Variants in KAZN observed in about 807,000 individuals in gnomAD.
The protein encoded by KAZN is kazrin, periplakin interacting protein.
Under a neutral mutation model 87.4 loss-of-function variants are expected in KAZN, and 40 were observed. The ratio of observed to expected loss-of-function variants is 0.46; its 90% CI spans 0.36 to 0.60. The LOEUF is 0.60. KAZN is among the 20% of genes least tolerant of loss of function. The pLI, the probability that KAZN is intolerant of heterozygous loss-of-function variation, is 0.00. For missense variants in KAZN, 898 were observed against 1,073.9 expected, an observed-to-expected ratio of 0.84 and a Z score of 2.29; for synonymous variants, 466 against 458.3, an observed-to-expected ratio of 1.02 and a Z score of -0.22.
chr1:14,684,068 A>G (rs1188638217), intron 1 of KAZN, among the ~76,000 whole-genome samples: 1 of 152,148 alleles, frequency 6.6e-6, no homozygotes, highest in Non-Finnish European at 1.5e-5. Context: ...TGGGCTGTCT[A>G]CGCAGAGTTT....
intron 2 of KAZN, among the ~76,000 whole-genome samples, chr1:15,010,800 G>T (rs1441330042): frequency 6.6e-6 from 1 of 152,160 alleles, no homozygotes; most frequent in Non-Finnish European, 1.5e-5. Flanking sequence ...TTTTCATGGA[G>T]TAGCTAGAAC....
intron 2 of KAZN, among the ~76,000 whole-genome samples, chr1:14,270,112 G>T (rs1228637656): frequency 6.6e-6 from 1 of 152,140 alleles, no homozygotes; most frequent in African/African-American, 2.4e-5. Flanking sequence ...CACACTGGGG[G>T]TCAGATTTCA....
intron 1 of KAZN, among the ~76,000 whole-genome samples, chr1:14,861,843 C>G (rs1650888329): frequency 6.6e-6 from 1 of 152,206 alleles, no homozygotes; most frequent in South Asian, 2.1e-4. Context: ...CTAGCAGCCA[C>G]TTTGCGACCA....
At chr1:13,979,435 CA>C (rs1294227930) in intron 1 of KAZN, among the ~76,000 whole-genome samples, 4 of 151,970 alleles carry the variant, frequency 2.6e-5, no homozygotes, top group South Asian at 2.1e-4. Context: ...CTTCATCCTG[CA>C]AAAAATACTT....
chr1:14,507,876 A>C (rs1234737070), intron 2 of KAZN, among the ~76,000 whole-genome samples: 2 of 151,970 alleles, frequency 1.3e-5, no homozygotes, highest in African/African-American at 4.8e-5. Flanking sequence ...CTGAGGTAGG[A>C]GAATGGTGTG....
At chr1:14,843,595 G>T (rs1341800392) in intron 1 of KAZN, among the ~76,000 whole-genome samples, 1 of 152,228 alleles carries the variant, frequency 6.6e-6, no homozygotes, top group Non-Finnish European at 1.5e-5. Context: ...ACAGAAACTT[G>T]CATGGGCAAA....
Position 14,735,059 on chromosome 1 carries a change from G to GTT in KAZN, c.226+135843_226+135844dup, listed in dbSNP as rs148802306. 2.1e-5 allele frequency among the ~76,000 whole-genome samples: 3 copies of GTT among 142,896 alleles called. No individual in the cohort carries two copies. Among genetic ancestry groups the GTT allele is most frequent in the African/African-American group, 9.1e-5 (3 of 32,910 alleles). The allele number at this position is 142,896 out of a possible 152,430, so 93.7% of individuals were successfully genotyped here. A position where few individuals can be genotyped will look rare whatever the true frequency, so the allele number is the denominator to read the frequency against. ...CACAGGATGCTAAATGGTCATGCTG[G>GTT]TTTTTTTTGTTTTGTTTTGAGACGG... On this transcript the variant is annotated intron_variant, in intron 1 of 14. Coordinates refer to ENST00000376030, the MANE Select transcript of KAZN (RefSeq NM_201628.3). This position sits in a 1 kb window ranked among gnomAD's most constrained non-coding sequence, Gnocchi z 4.3.
chr1:14,565,916 T>C (rs920138348), intron 2 of KAZN, among the ~76,000 whole-genome samples: 2 of 152,190 alleles, frequency 1.3e-5, no homozygotes, highest in African/African-American at 2.4e-5. Context: ...ACTGACATCT[T>C]AAATTCTTCA....
chr1:14,221,886 GT>G (rs1557572129), intron 2 of KAZN: 1 of 152,124 alleles, frequency 6.6e-6, no homozygotes, highest in East Asian at 1.9e-4. Flanking sequence ...AGCAATCACC[GT>G]TAATCAGAAT....
chr1:15,013,388 A>T (rs1254040975), intron 2 of KAZN, among the ~76,000 whole-genome samples: 2 of 152,226 alleles, frequency 1.3e-5, no homozygotes, highest in African/African-American at 2.4e-5. Context: ...AGATGAAAAA[A>T]GAGCATAAGA....
In KAZN at chr1:14,804,546, G is replaced by A. The variant is rs72638306; in HGVS notation, c.227-156138G>A. Among the ~76,000 whole-genome samples, 719 of 152,270 alleles carry A rather than the reference G, an allele frequency of 4.7e-3. 2 individuals are homozygous for A. The highest frequency in any genetic ancestry group is 7.7e-3 in the Non-Finnish European group (521 of 68,014). On this transcript the variant is annotated intron_variant, in intron 1 of 14. Transcript: ENST00000376030. ...CCCACAAAACCCGGGTGCTACTACCGGAATAGGGAGATGGAGGCAAAATAG... is the reference window on the plus strand; with the variant it reads ...CCCACAAAACCCGGGTGCTACTACCAGAATAGGGAGATGGAGGCAAAATAG...
In KAZN at chr1:15,066,800, G is replaced by A. The variant is rs1639256382; in HGVS notation, c.1222+1047G>A. On this transcript the variant is annotated intron_variant, in intron 8 of 14. Coordinates refer to ENST00000376030, the MANE Select transcript of KAZN (RefSeq NM_201628.3). This position sits in a 1 kb window ranked among gnomAD's most constrained non-coding sequence, Gnocchi z 4.3. ...ATTTCAAAGCTTGCTTTTTCTGTTG[G>A]TTCTTCTCTCTCCTTCTCTCTCTGT... 13 of 985,250 alleles carry A rather than the reference G, an allele frequency of 1.3e-5. No homozygotes were observed. Among genetic ancestry groups the A allele is most frequent in the African/African-American group, 1.7e-5 (1 of 57,182 alleles). The allele number at this position is 985,250 out of a possible 1,614,324, so 61.0% of individuals were successfully genotyped here. A position where few individuals can be genotyped will look rare whatever the true frequency, so the allele number is the denominator to read the frequency against.
At chr1:14,255,020 C>G (rs998101253) in intron 2 of KAZN, among the ~76,000 whole-genome samples, 7 of 149,878 alleles carry the variant, frequency 4.7e-5, no homozygotes, top group African/African-American at 7.4e-5. Context: ...ACTCAGGAGG[C>G]TGAGGCAGGA....
Position 14,140,333 on chromosome 1 carries a change from A to G in KAZN, c.92-40102A>G, listed in dbSNP as rs149192540. 3.2e-4 allele frequency among the ~76,000 whole-genome samples: 48 copies of G among 152,234 alleles called. No individual in the cohort carries two copies. The East Asian group carries it at 8.1e-3, about 26-fold the overall frequency. Reference sequence around the variant, plus strand: ...GGCTATGAGGATTAAATGAGATAATATATCTAAGGCACCCAGCACAAGGCC... The same window carrying G: ...GGCTATGAGGATTAAATGAGATAATGTATCTAAGGCACCCAGCACAAGGCC... On this transcript the variant is annotated intron_variant, in intron 1 of 16. Coordinates refer to the KAZN transcript ENST00000636203.
chr1:14,920,705 A>G (rs1658411945), intron 1 of KAZN, among the ~76,000 whole-genome samples: 1 of 152,194 alleles, frequency 6.6e-6, no homozygotes, highest in Non-Finnish European at 1.5e-5. Context: ...CATTCACCCA[A>G]GCTCGGGGCC....
At chr1:15,093,246 G>A (rs1436602849) in intron 8 of KAZN, among the ~76,000 whole-genome samples, 2 of 152,008 alleles carry the variant, frequency 1.3e-5, no homozygotes, top group Non-Finnish European at 2.9e-5. Flanking sequence ...CACGCACCCC[G>A]TAAGCAAGCG....
At chr1:14,570,215 T>C (rs1674781801) in intron 2 of KAZN, among the ~76,000 whole-genome samples, 1 of 152,226 alleles carries the variant, frequency 6.6e-6, no homozygotes, top group Non-Finnish European at 1.5e-5. Context: ...CTAGGTTCCT[T>C]CATTCCTCAG....
chr1:14,354,624 T>G (rs1156968015), intron 2 of KAZN, among the ~76,000 whole-genome samples: 1 of 149,094 alleles, frequency 6.7e-6, no homozygotes, highest in Non-Finnish European at 1.5e-5. Flanking sequence ...CCACTGTGCA[T>G]CTATTAGAAT....
chr1:14,988,972 C>T (rs1667097599), intron 2 of KAZN, among the ~76,000 whole-genome samples: 1 of 152,204 alleles, frequency 6.6e-6, no homozygotes, highest in African/African-American at 2.4e-5. Flanking sequence ...GCAGTTTGTC[C>T]CTCGTTGTGC....
Sources: allele counts gnomAD v4.1 joint callset (sites outside exome capture counted in the v4.1 genomes callset), GRCh38; gene constraint gnomAD v4.1.1; non-coding constraint Gnocchi (gnomAD v3.1); transcripts MANE v1.5; gene names NCBI Gene and HGNC (gene_info 2026-07-23, HGNC 2026-07-21).